The following MYT1L variants were observed in gnomAD, a reference collection of about 807,000 sequenced individuals.
The protein encoded by MYT1L is myelin transcription factor 1 like, also known as myelin transcription factor 1-like protein.
MYT1L carries 12 observed loss-of-function variants against 126.7 expected under a neutral mutation model. The observed-to-expected ratio is 0.09, with a 90% CI of 0.06 to 0.15. The LOEUF is 0.15. MYT1L is among the 10% of genes least tolerant of loss of function. MYT1L has a pLI of 1.00. For missense variants in MYT1L, 979 were observed against 1,585.2 expected, an observed-to-expected ratio of 0.62 and a Z score of 6.49; for synonymous variants, 541 against 604.2, an observed-to-expected ratio of 0.90 and a Z score of 1.53.
At chr2:2,274,380 G>A (rs1304254349) in intron 2 of MYT1L, among the ~76,000 whole-genome samples, 1 of 151,892 alleles carries the variant, frequency 6.6e-6, no homozygotes, top group Non-Finnish European at 1.5e-5. Context: ...GGGAGGGAGA[G>A]AGGACAGTGG....
At chr2:1,843,917 C>T (rs1270128995) in intron 19 of MYT1L, among the ~76,000 whole-genome samples, 4 of 152,216 alleles carry the variant, frequency 2.6e-5, no homozygotes, top group Admixed American at 1.3e-4. Flanking sequence ...ATGCGGTGGC[C>T]TCCAGGAAGC....
chr2:2,072,352 A>G (rs1371462122), intron 3 of MYT1L, among the ~76,000 whole-genome samples: 1 of 152,156 alleles, frequency 6.6e-6, no homozygotes, highest in Non-Finnish European at 1.5e-5. Context: ...ATATTTGTGA[A>G]TCCAAATGTC....
chr2:2,224,133 G>A lies in MYT1L; in HGVS notation c.-420-51145C>T, dbSNP rs2149005324. On this transcript the variant is annotated intron_variant, in intron 2 of 24. Transcript: ENST00000647738. This position sits in a 1 kb window ranked among gnomAD's most constrained non-coding sequence, Gnocchi z 4.0. ...CTAAGGAGGACAAGCCTGTCTGAGG[G>A]CATAACCCCACTTCCAGTGAGCCTT... is the stretch of plus-strand genomic sequence containing the variant. 6.6e-6 allele frequency among the ~76,000 whole-genome samples: 1 copy of A among 152,294 alleles called. No individual in the cohort carries two copies. The highest frequency in any genetic ancestry group is 2.1e-4 in the South Asian group (1 of 4,822).
intron 5 of MYT1L, among the ~76,000 whole-genome samples, chr2:1,985,132 C>G (rs1456553881): frequency 6.6e-6 from 1 of 152,248 alleles, no homozygotes; most frequent in Non-Finnish European, 1.5e-5. Flanking sequence ...GCCACAGTCA[C>G]TCCTCCACTA....
chr2:2,180,824 CTG>C (rs138575144), intron 2 of MYT1L, among the ~76,000 whole-genome samples: 2,075 of 147,646 alleles, frequency 0.014, 41 homozygotes, highest in East Asian at 0.042. Flanking sequence ...CTGTGTGTAC[CTG>C]TGTGTGCACC....
intron 13 of MYT1L, among the ~76,000 whole-genome samples, chr2:1,903,864 C>T (rs973114726): frequency 3.3e-5 from 5 of 152,022 alleles, no homozygotes; most frequent in Non-Finnish European, 1.5e-5. Context: ...TTCTTAATGT[C>T]TTTGGAATAA....
At chr2:1,914,495 GT>G (rs1357665895) in intron 11 of MYT1L, among the ~76,000 whole-genome samples, 1 of 151,964 alleles carries the variant, frequency 6.6e-6, no homozygotes, top group Non-Finnish European at 1.5e-5. Flanking sequence ...TCCACCATCA[GT>G]TTCCACGAAT....
chr2:2,071,018 T>C (rs968053716), intron 3 of MYT1L, among the ~76,000 whole-genome samples: 2 of 152,036 alleles, frequency 1.3e-5, no homozygotes, highest in African/African-American at 4.8e-5. Context: ...TTAATAATAG[T>C]GGGGAAAGAG....
At chr2:1,998,960 T>C (rs1395934263) in intron 4 of MYT1L, among the ~76,000 whole-genome samples, 1 of 152,158 alleles carries the variant, frequency 6.6e-6, no homozygotes, top group African/African-American at 2.4e-5. Context: ...TTCTAAATGA[T>C]CAGACATGCT....
rs576334004 is a variant in MYT1L at position 2,163,569 on chromosome 2, C to CA, written c.-304+9302dup. ...TGAAACCCCATCTCTAATAAAAATA[C>CA]AAAAAAAAAAAAATTAGCGGGGTGC... is the stretch of plus-strand genomic sequence containing the variant. On this transcript the variant is annotated intron_variant, in intron 3 of 24. Coordinates refer to ENST00000647738, the MANE Select transcript of MYT1L (RefSeq NM_001303052.2). Among the ~76,000 whole-genome samples the CA allele has an allele frequency of 3.3e-3, 456 of 138,076 alleles. 1 individual carries two copies. Among genetic ancestry groups the CA allele is most frequent in the South Asian group, 0.012 (53 of 4,300 alleles). The allele number at this position is 138,076 out of a possible 152,430, so 90.6% of individuals were successfully genotyped here.
At chr2:1,799,443 A>G (rs1348934720) in intron 23 of MYT1L, among the ~76,000 whole-genome samples, 1 of 152,140 alleles carries the variant, frequency 6.6e-6, no homozygotes, top group Non-Finnish European at 1.5e-5. Flanking sequence ...CAGCCCCAGT[A>G]CTTCATCCAC....
chr2:2,327,871 A>C (rs919194247), intron 1 of MYT1L, among the ~76,000 whole-genome samples: 2 of 152,206 alleles, frequency 1.3e-5, no homozygotes, highest in African/African-American at 4.8e-5. Context: ...AAGTTGTTTG[A>C]AGTTAAAATG....
In MYT1L at chr2:1,914,715, TATA is replaced by T. The variant is rs145725867; in HGVS notation, c.1618+2487_1618+2489del. On this transcript the variant is annotated intron_variant, in intron 11 of 24. Coordinates refer to ENST00000647738, the MANE Select transcript of MYT1L (RefSeq NM_001303052.2). ...CTGGCGTCCTTAAGTTCACCGAGGC[TATA>T]ATCCCTGGCATCCTCTTGGTCTCCC... 3.8e-3 allele frequency among the ~76,000 whole-genome samples: 572 copies of T among 152,316 alleles called. 6 individuals carry two copies. The highest frequency in any genetic ancestry group is 0.013 in the African/African-American group (553 of 41,574).
At chr2:2,128,793 A>C (rs10184045) in intron 3 of MYT1L, among the ~76,000 whole-genome samples, 3,366 of 152,302 alleles carry the variant, frequency 0.022, 54 homozygotes, top group Middle Eastern at 0.048. Flanking sequence ...AATGTTAATA[A>C]CACTGCATTG....
chr2:2,317,777 G>GAA (rs1170189725), intron 1 of MYT1L, among the ~76,000 whole-genome samples: 24 of 152,270 alleles, frequency 1.6e-4, no homozygotes, highest in Admixed American at 1.5e-3. Context: ...AAACCAGGCA[G>GAA]AGTAAAGTCT....
intron 9 of MYT1L, among the ~76,000 whole-genome samples, chr2:1,930,259 G>A (rs7561184): frequency 0.011 from 1,719 of 152,284 alleles, 25 homozygotes; most frequent in African/African-American, 0.039. Context: ...GCCCACTTCT[G>A]GGCGCCCCGA....
chr2:1,891,999 C>G (rs183248488), intron 15 of MYT1L, 38 bp downstream of exon 15: 5 of 1,473,154 alleles, frequency 3.4e-6, no homozygotes, highest in Middle Eastern at 2.1e-4. Flanking sequence ...CGGCCTCCCC[C>G]ACCCGCCAGG....
chr2:1,857,107 C>T (rs936895952), intron 18 of MYT1L, among the ~76,000 whole-genome samples: 1 of 152,048 alleles, frequency 6.6e-6, no homozygotes, highest in African/African-American at 2.4e-5. Flanking sequence ...AGCATGAACA[C>T]GAGGCAAGAC....
At chr2:2,027,176 C>T (rs965895693) in intron 4 of MYT1L, among the ~76,000 whole-genome samples, 1 of 152,274 alleles carries the variant, frequency 6.6e-6, no homozygotes, top group African/African-American at 2.4e-5. Context: ...GCTGCCTCAT[C>T]TGGGAGATCC....
Sources: gnomAD v4.1 joint callset for allele counts (sites outside exome capture counted in the v4.1 genomes callset) on GRCh38, gnomAD v4.1.1 for gene constraint, Gnocchi (gnomAD v3.1) non-coding constraint, MANE v1.5 for transcripts, NCBI Gene and HGNC (gene_info 2026-07-23, HGNC 2026-07-21) for gene names.